ANKRA2: variants seen among roughly 807,000 people sequenced by gnomAD.
The protein encoded by ANKRA2 is ankyrin repeat family A member 2.
Under a neutral mutation model 37.8 loss-of-function variants are expected in ANKRA2, and 33 were observed. That is an observed-to-expected ratio of 0.87 (90% confidence interval 0.66 to 1.17). ANKRA2 has a LOEUF of 1.17. Ranked by LOEUF, ANKRA2 falls within the 50% of genes most tolerant of loss-of-function variation. The pLI is 0.00. For missense variants in ANKRA2, 326 were observed against 373.7 expected, an observed-to-expected ratio of 0.87 and a Z score of 1.05; for synonymous variants, 126 against 132.3, an observed-to-expected ratio of 0.95 and a Z score of 0.33.
At chr5:73,562,528 T>C (rs573886834) in intron 2 of ANKRA2, 65 bp downstream of exon 2, 24 of 1,441,884 alleles carry the variant, frequency 1.7e-5, no homozygotes, top group South Asian at 1.3e-4. Context: ...ATCTCATGAT[T>C]GGGAAAATAA....
At position 73,553,448 on chromosome 5, in the gene ANKRA2, A is replaced by G. The variant is rs753013920; in HGVS notation, c.844T>C (p.Tyr282His). ...ADPTIETDSG[Y>H]NSMDLAVALG... Reference sequence around the variant, plus strand: ...GCTACAGCTAGATCCATAGAATTATATCCAGAGTCAGTTTCAATTGTTGGA... The same window carrying G: ...GCTACAGCTAGATCCATAGAATTATGTCCAGAGTCAGTTTCAATTGTTGGA... Residue 282 changes from tyrosine (Y) to histidine (H), a missense_variant, in exon 8 of 9, where the codon TAT (tyrosine) becomes CAT (histidine). Tyr to His is a moderately conservative substitution (Grantham distance 83). Around this residue, in one of 3 missense-constraint regions of ANKRA2, gnomAD observed 228 missense variants for 260.2 expected, o/e 0.88. Coordinates refer to ENST00000296785, the MANE Select transcript of ANKRA2 (RefSeq NM_023039.5). 4 of 1,613,582 alleles carry G rather than the reference A, an allele frequency of 2.5e-6. No homozygotes were observed. In the South Asian group the frequency reaches 4.4e-5, roughly 18 times the overall value.
At chr5:73,555,409 T>A (rs1747371466) in intron 5 of ANKRA2, 79 bp downstream of exon 5, 2 of 1,567,386 alleles carry the variant, frequency 1.3e-6, no homozygotes, top group African/African-American at 1.4e-5. Flanking sequence ...TATATCTAGC[T>A]GGCTGGATAT....
At chr5:73,561,084 A>G (rs781775680) in intron 3 of ANKRA2, 46 bp downstream of exon 3, 2 of 1,513,642 alleles carry the variant, frequency 1.3e-6, no homozygotes, top group South Asian at 2.4e-5. Flanking sequence ...AACTCTTGAA[A>G]GTATTACATT....
intron 7 of ANKRA2, among the ~76,000 whole-genome samples, chr5:73,554,019 C>A (rs541524402): frequency 3.9e-5 from 6 of 152,262 alleles, no homozygotes; most frequent in African/African-American, 1.4e-4. Flanking sequence ...ATCCACCCAC[C>A]TCGGCCTCCC....
intron 7 of ANKRA2, among the ~76,000 whole-genome samples, chr5:73,553,919 C>T (rs558397047): frequency 2.0e-5 from 3 of 152,074 alleles, no homozygotes; most frequent in East Asian, 1.9e-4. Context: ...GGATTACAGG[C>T]GCCCACCTGC....
In ANKRA2 at chr5:73,565,319, G is replaced by A; in HGVS notation, c.-292C>T. The A allele has an allele frequency of 6.5e-6, 1 of 153,502 alleles. No individual in the cohort carries two copies. The highest frequency in any genetic ancestry group is 1.5e-5 in the Non-Finnish European group (1 of 68,640). The allele number at this position is 153,502 out of a possible 1,614,324, so 9.5% of individuals were successfully genotyped here. A position where few individuals can be genotyped will look rare whatever the true frequency, so the allele number is the denominator to read the frequency against. On this transcript the variant is annotated 5_prime_UTR_variant, in exon 1 of 9. Coordinates refer to ENST00000296785, the MANE Select transcript of ANKRA2 (RefSeq NM_023039.5). ...CAGGGGCTGGAGGCCGACCCGGTGA[G>A]AGTGCAAGGTCTCGCGACCACCGAC...
Position 73,552,705 on chromosome 5 carries a change from G to A in ANKRA2, c.*92C>T. On this transcript the variant is annotated 3_prime_UTR_variant, in exon 9 of 9. Transcript: ENST00000296785. ...AACCTACTAAAAACCAGTAAATATT[G>A]CAACTGAGGTAAAAATTTATAAGTA... is the stretch of plus-strand genomic sequence containing the variant. 8.6e-7 allele frequency: 1 copy of A among 1,160,804 alleles called. No individual in the cohort carries two copies. 71.9% of individuals were successfully genotyped at this position (1,160,804 alleles called of 1,614,324 possible).
rs1382467206 is a variant in ANKRA2 at position 73,553,555 on chromosome 5, T to A, written c.806-69A>T. On this transcript the variant is annotated intron_variant, in intron 7 of 8. Transcript: ENST00000296785. ...GATATGTTTGTCTGTTATTGGCTCA[T>A]GTACAAATAGCTGGAGAGATTTTTC... 4 of 1,301,668 alleles carry A rather than the reference T, an allele frequency of 3.1e-6. No homozygotes were observed. In the Admixed American group the frequency reaches 7.1e-5, roughly 23 times the overall value. The allele number at this position is 1,301,668 out of a possible 1,614,324, so 80.6% of individuals were successfully genotyped here. A position where few individuals can be genotyped will look rare whatever the true frequency, so the allele number is the denominator to read the frequency against.
rs1356674274 is a variant in ANKRA2 at position 73,552,761 on chromosome 5, G to A, written c.*36C>T. Reference sequence around the variant, plus strand: ...AACTATCATTTATAAGGACCAAGAAGTAAACAAAAGGGCAGACATTTTCTG... The same window carrying A: ...AACTATCATTTATAAGGACCAAGAAATAAACAAAAGGGCAGACATTTTCTG... On this transcript the variant is annotated 3_prime_UTR_variant, in exon 9 of 9. Coordinates refer to ENST00000296785, the MANE Select transcript of ANKRA2 (RefSeq NM_023039.5). 1.3e-6 allele frequency: 2 copies of A among 1,557,512 alleles called. No homozygotes were observed. Among genetic ancestry groups the A allele is most frequent in the Non-Finnish European group, 1.8e-6 (2 of 1,133,598 alleles).
intron 8 of ANKRA2, 91 bp downstream of exon 8, chr5:73,553,315 G>A: frequency 1.1e-6 from 1 of 936,734 alleles, no homozygotes; most frequent in South Asian, 1.7e-5. Context: ...ACATGTTTTA[G>A]GATTACAGTG....
intron 3 of ANKRA2, among the ~76,000 whole-genome samples, chr5:73,560,893 G>T (rs1747534010): frequency 6.6e-6 from 1 of 152,120 alleles, no homozygotes; most frequent in East Asian, 1.9e-4. Flanking sequence ...GAGATCGTGT[G>T]GTATTTGTCT....
At chr5:73,559,052 T>C (rs989822975) in intron 3 of ANKRA2, among the ~76,000 whole-genome samples, 1 of 152,232 alleles carries the variant, frequency 6.6e-6, no homozygotes, top group Non-Finnish European at 1.5e-5. Context: ...CATTTGATCA[T>C]TGACTTCAAT....
At chr5:73,562,438 A>G in intron 2 of ANKRA2, 155 bp downstream of exon 2, 2 of 628,326 alleles carry the variant, frequency 3.2e-6, no homozygotes. Context: ...ATAATCTGAA[A>G]TTATTTTAAT....
chr5:73,558,152 T>C (rs1394345445), intron 3 of ANKRA2, among the ~76,000 whole-genome samples: 1 of 152,176 alleles, frequency 6.6e-6, no homozygotes, highest in Non-Finnish European at 1.5e-5. Flanking sequence ...ATCTACAATT[T>C]TATTTTTATG....
At chr5:73,564,517 A>T (rs1368130004) in intron 1 of ANKRA2, among the ~76,000 whole-genome samples, 1 of 152,104 alleles carries the variant, frequency 6.6e-6, no homozygotes, top group Non-Finnish European at 1.5e-5. Flanking sequence ...AACTTTAACA[A>T]TTTTTTCCAT....
Position 73,561,193 on chromosome 5 carries a change from A to C in ANKRA2, c.385T>G (p.Ser129Ala). The change falls in exon 3 of 9, where the codon TCA (serine) becomes GCA (alanine). Residue 129 changes from serine to alanine, a missense_variant. Ser to Ala is a moderately conservative substitution (Grantham distance 99). Transcript: ENST00000296785. ...TTKHFSPIKQ[S>A]TTLTNKHRGN... Reference sequence around the variant, plus strand: ...CTGTGTTTGTTGGTTAAAGTGGTTGACTGTTTTATGGGTGAGAAATGCTTT... The same window carrying C: ...CTGTGTTTGTTGGTTAAAGTGGTTGCCTGTTTTATGGGTGAGAAATGCTTT... 1 of 1,613,978 alleles carries C rather than the reference A, an allele frequency of 6.2e-7. No individual in the cohort carries two copies. The highest frequency in any genetic ancestry group is 8.5e-7 in the Non-Finnish European group (1 of 1,179,942).
chr5:73,557,463 T>C, intron 4 of ANKRA2, 112 bp downstream of exon 4: 1 of 537,030 alleles, frequency 1.9e-6, no homozygotes, highest in Non-Finnish European at 2.9e-6. Context: ...GCCTGGTGAG[T>C]TTATGTAACT....
rs758846016 is a variant in ANKRA2, at chr5:73,552,550, T to C, written c.*247A>G. The C allele has an allele frequency of 1.1e-5, 4 of 378,274 alleles. No homozygotes were observed. Among genetic ancestry groups the C allele is most frequent in the Non-Finnish European group, 1.9e-5 (4 of 213,928 alleles). 23.4% of individuals were successfully genotyped at this position (378,274 alleles called of 1,614,324 possible). On this transcript the variant is annotated 3_prime_UTR_variant, in exon 9 of 9. Coordinates refer to ENST00000296785, the MANE Select transcript of ANKRA2 (RefSeq NM_023039.5). Reference sequence around the variant, plus strand: ...TTGATACAAAGACTGATGATAACTATCTGTACCATAAAAATTTACATGCCA... The same window carrying C: ...TTGATACAAAGACTGATGATAACTACCTGTACCATAAAAATTTACATGCCA...
chr5:73,557,292 T>A lies in ANKRA2; in HGVS notation c.514+283A>T, dbSNP rs908727929. ...ACAAGCACATATACATTCTCACACA[T>A]AATCCGAAACATAAATAGAAATGTT... On this transcript the variant is annotated intron_variant, in intron 4 of 8. Coordinates refer to ENST00000296785, the MANE Select transcript of ANKRA2 (RefSeq NM_023039.5). The A allele has an allele frequency of 3.5e-5, 8 of 226,090 alleles. No homozygotes were observed. The Admixed American group carries it at 4.4e-4, about 12-fold the overall frequency. The allele number at this position is 226,090 out of a possible 1,614,324, so 14.0% of individuals were successfully genotyped here.
Sources: allele counts gnomAD v4.1 joint callset (sites outside exome capture counted in the v4.1 genomes callset), GRCh38; gene constraint gnomAD v4.1.1; regional missense constraint gnomAD v4.1.1; transcripts MANE v1.5; gene names NCBI Gene and HGNC (gene_info 2026-07-23, HGNC 2026-07-21).